Variants in CRB1 observed in about 807,000 individuals in gnomAD.
CRB1 encodes protein crumbs homolog 1.
In CRB1, 83 loss-of-function variants were observed where a neutral mutation model predicts 120.0. The observed-to-expected ratio is 0.69, with a 90% CI of 0.58 to 0.83. CRB1 has a LOEUF of 0.83. CRB1 is among the 40% of genes least tolerant of loss of function. The pLI is 0.00. For missense variants in CRB1, 1,699 were observed against 1,687.6 expected, an observed-to-expected ratio of 1.01 and a Z score of -0.12; for synonymous variants, 625 against 612.5, an observed-to-expected ratio of 1.02 and a Z score of -0.30.
In CRB1 at chr1:197,277,411, C is replaced by T. The variant is rs186998036; in HGVS notation, c.70+8929C>T. On this transcript the variant is annotated intron_variant, in intron 1 of 11. Coordinates refer to ENST00000367400, the MANE Select transcript of CRB1 (RefSeq NM_201253.3). ...CAGAGTGCTAATGAGGCTGAGTTTA[C>T]GGTTCAATCTCAACACAATTCAGTT... 3.9e-3 allele frequency among the ~76,000 whole-genome samples: 588 copies of T among 152,046 alleles called. 1 individual carries two copies. The highest frequency in any genetic ancestry group is 6.8e-3 in the Non-Finnish European group (465 of 67,924).
In CRB1 at chr1:197,421,734, A is replaced by C. The variant is rs1664337804; in HGVS notation, c.1906A>C (p.Thr636Pro). 6.2e-7 allele frequency: 1 copy of C among 1,614,060 alleles called. No homozygotes were observed. Among genetic ancestry groups the C allele is most frequent in the Admixed American group, 1.7e-5 (1 of 60,012 alleles). The change falls in exon 6 of 12, where the codon ACA becomes CCA. Residue 636 changes from threonine (T) to proline (P), a missense_variant. Transcript: ENST00000367400. Reference protein sequence around the residue: ...ALLNFYNMPSTPSFVGCLQDI... With the variant: ...ALLNFYNMPSPPSFVGCLQDI... ...GCTTAACTTCTATAATATGCCATCC[A>C]CACCTTCGTTTGTAGGCTGTCTCCA...
intron 4 of CRB1, among the ~76,000 whole-genome samples, chr1:197,353,431 T>C (rs748672755): frequency 4.6e-5 from 7 of 152,246 alleles, no homozygotes; most frequent in Non-Finnish European, 1.0e-4. Context: ...AATTCTCAAC[T>C]GTAAATTGTT....
At chr1:197,363,089 T>C (rs1660861201) in intron 5 of CRB1, among the ~76,000 whole-genome samples, 1 of 152,092 alleles carries the variant, frequency 6.6e-6, no homozygotes, top group African/African-American at 2.4e-5. Context: ...TTGGTTTCAG[T>C]ATTTTACCAC....
At chr1:197,214,728 AC>A in the CRB1 span, among the ~76,000 whole-genome samples, 1 of 152,184 alleles carries the variant, frequency 6.6e-6, no homozygotes, top group East Asian at 1.9e-4. Context: ...CAGAGCTTTT[AC>A]TAGTAAATAC....
intron 11 of CRB1, among the ~76,000 whole-genome samples, chr1:197,464,607 T>TA (rs1057347747): frequency 1.3e-5 from 2 of 152,044 alleles, no homozygotes; most frequent in Admixed American, 6.6e-5. Flanking sequence ...CCTTGGGAGT[T>TA]AAAAAAATAA....
chr1:197,236,138 A>G, the CRB1 span, among the ~76,000 whole-genome samples: 10 of 151,794 alleles, frequency 6.6e-5, no homozygotes, highest in South Asian at 2.1e-4. Context: ...TGTGGGGTGA[A>G]CTTGAGAAGT....
intron 5 of CRB1, among the ~76,000 whole-genome samples, chr1:197,414,244 C>T (rs1663856451): frequency 6.6e-6 from 1 of 152,036 alleles, no homozygotes; most frequent in African/African-American, 2.4e-5. Flanking sequence ...CAAGATGAAA[C>T]TTCCTCATTT....
At chr1:197,407,798 A>G (rs1477497870) in intron 5 of CRB1, among the ~76,000 whole-genome samples, 1 of 152,172 alleles carries the variant, frequency 6.6e-6, no homozygotes, top group Non-Finnish European at 1.5e-5. Flanking sequence ...AAAACAACAA[A>G]TCAAAAAATA....
intron 11 of CRB1, among the ~76,000 whole-genome samples, chr1:197,454,114 C>T (rs561120653): frequency 1.3e-5 from 2 of 151,180 alleles, no homozygotes; most frequent in South Asian, 4.2e-4. Context: ...GCATGAGCCA[C>T]TCTACCCAGT....
At chr1:197,255,969 A>ATG in the CRB1 span, among the ~76,000 whole-genome samples, 1 of 102,820 alleles carries the variant, frequency 9.7e-6, no homozygotes, top group East Asian at 3.8e-4. Context: ...AACATTTTAT[A>ATG]TATATATATA....
the CRB1 span, among the ~76,000 whole-genome samples, chr1:197,203,001 C>A: frequency 7.0e-6 from 1 of 142,374 alleles, no homozygotes; most frequent in African/African-American, 2.7e-5. Flanking sequence ...GTGTGTGTGA[C>A]GGAGAGAGAG....
At chr1:197,238,042 A>C in the CRB1 span, among the ~76,000 whole-genome samples, 1 of 152,058 alleles carries the variant, frequency 6.6e-6, no homozygotes, top group African/African-American at 2.4e-5. Flanking sequence ...GATATGTTGT[A>C]TTTTCACTTT....
At chr1:197,405,525 G>A (rs1663315848) in intron 5 of CRB1, among the ~76,000 whole-genome samples, 2 of 151,842 alleles carry the variant, frequency 1.3e-5, no homozygotes, top group African/African-American at 4.8e-5. Context: ...GAGCGTCTCT[G>A]CCTGGCCGCC....
chr1:197,226,965 A>G, the CRB1 span, among the ~76,000 whole-genome samples: 17 of 152,162 alleles, frequency 1.1e-4, no homozygotes, highest in African/African-American at 4.1e-4. Flanking sequence ...AACTGCCCCC[A>G]TGATTCAAAT....
chr1:197,208,662 A>C, the CRB1 span, among the ~76,000 whole-genome samples: 1 of 152,092 alleles, frequency 6.6e-6, no homozygotes, highest in African/African-American at 2.4e-5. Flanking sequence ...TATTTTTATT[A>C]AATGTTCTGG....
At chr1:197,372,533 G>A (rs1310799408) in intron 5 of CRB1, among the ~76,000 whole-genome samples, 1 of 152,126 alleles carries the variant, frequency 6.6e-6, no homozygotes, top group Non-Finnish European at 1.5e-5. Flanking sequence ...ATCGCTTGCA[G>A]CTCCCATTGC....
chr1:197,438,778 G>C (rs570569566), intron 10 of CRB1, 103 bp downstream of exon 10: 7 of 1,430,682 alleles, frequency 4.9e-6, no homozygotes, highest in Middle Eastern at 1.8e-4. Context: ...AGTTCCCATA[G>C]GAAAATCTAT....
chr1:197,400,930 T>A (rs1663034510), intron 5 of CRB1, among the ~76,000 whole-genome samples: 1 of 152,094 alleles, frequency 6.6e-6, no homozygotes, highest in African/African-American at 2.4e-5. Context: ...TATTCTGCTT[T>A]CCTTCCCTTC....
chr1:197,313,884 G>A lies in CRB1; in HGVS notation c.71-14538G>A, dbSNP rs138045575. ...TATTGTGAACAGTGCTTCAATAAAC[G>A]TGGGAGTGCAAATATCTCAAGTCTT... On this transcript the variant is annotated intron_variant, in intron 1 of 11. Coordinates refer to ENST00000367400, the MANE Select transcript of CRB1 (RefSeq NM_201253.3). Among the ~76,000 whole-genome samples the A allele has an allele frequency of 5.8e-3, 888 of 152,262 alleles. 13 individuals carry two copies. Among genetic ancestry groups the A allele is most frequent in the African/African-American group, 0.02 (840 of 41,568 alleles).
Sources: gnomAD v4.1 joint callset for allele counts (sites outside exome capture counted in the v4.1 genomes callset) on GRCh38, gnomAD v4.1.1 for gene constraint, MANE v1.5 for transcripts, NCBI Gene and HGNC (gene_info 2026-07-23, HGNC 2026-07-21) for gene names.